The following SEMA6A variants were observed in gnomAD, a reference collection of about 807,000 sequenced individuals.
SEMA6A encodes the protein semaphorin 6A.
SEMA6A carries 25 observed loss-of-function variants against 96.8 expected under a neutral mutation model. The observed-to-expected ratio is 0.26, with a 90% CI of 0.19 to 0.36. The LOEUF is 0.36. Ranked by LOEUF, SEMA6A falls within the 10% of genes least tolerant of loss-of-function variation. The pLI is 1.00. For synonymous variants in SEMA6A, 612 were observed against 518.0 expected, an observed-to-expected ratio of 1.18 and a Z score of -2.46; for missense variants, 1,363 against 1,323.1, an observed-to-expected ratio of 1.03 and a Z score of -0.47.
chr5:116,473,014 T>C (rs541114599), intron 17 of SEMA6A, 59 bp downstream of exon 17: 32 of 1,549,538 alleles, frequency 2.1e-5, no homozygotes, highest in African/African-American at 1.5e-4. Context: ...ATTAATGAAA[T>C]AGACATTCTC....
intron 1 of SEMA6A, among the ~76,000 whole-genome samples, chr5:116,514,421 T>A (rs928551010): frequency 6.6e-6 from 1 of 152,248 alleles, no homozygotes; most frequent in African/African-American, 2.4e-5. Flanking sequence ...GTATGTCTTC[T>A]TTGAGAAGTG....
At chr5:116,573,786 G>C (rs543348426) in intron 1 of SEMA6A, among the ~76,000 whole-genome samples, 8 of 152,102 alleles carry the variant, frequency 5.3e-5, no homozygotes, top group African/African-American at 1.9e-4. Context: ...TCGACACACC[G>C]GGCCAGGGAG....
At chr5:116,465,730 A>G (rs1287545309) in intron 18 of SEMA6A, among the ~76,000 whole-genome samples, 1 of 152,120 alleles carries the variant, frequency 6.6e-6, no homozygotes, top group Non-Finnish European at 1.5e-5. Context: ...AATTCACGCT[A>G]CCCCTCTCAG....
At chr5:116,455,738 T>C (rs1302885865) in intron 18 of SEMA6A, among the ~76,000 whole-genome samples, 2 of 152,342 alleles carry the variant, frequency 1.3e-5, no homozygotes, top group African/African-American at 2.4e-5. Context: ...TCTAGAAATG[T>C]AGTTCTTGAG....
chr5:116,547,686 A>G (rs1580502579), intron 1 of SEMA6A, among the ~76,000 whole-genome samples: 1 of 150,440 alleles, frequency 6.6e-6, no homozygotes, highest in Non-Finnish European at 1.5e-5. Context: ...TTTGGATCTA[A>G]ACCAGGGGAT....
At chr5:116,567,341 A>G (rs1761059393) in intron 1 of SEMA6A, among the ~76,000 whole-genome samples, 2 of 151,980 alleles carry the variant, frequency 1.3e-5, no homozygotes, top group African/African-American at 4.8e-5. Context: ...CTTTTGCATC[A>G]TCTCTTTATA....
At chr5:116,524,038 A>T in intron 1 of SEMA6A, among the ~76,000 whole-genome samples, 1 of 152,284 alleles carries the variant, frequency 6.6e-6, no homozygotes, top group East Asian at 1.9e-4. Context: ...ATGCCAACCC[A>T]CTTACAGAAT....
At chr5:116,452,389 T>C (rs1445103034) in intron 18 of SEMA6A, among the ~76,000 whole-genome samples, 2 of 151,776 alleles carry the variant, frequency 1.3e-5, no homozygotes, top group African/African-American at 2.4e-5. Flanking sequence ...TGTCTTAAAT[T>C]GGCAGAACTG....
At chr5:116,526,317 C>T (rs1002837131) in intron 1 of SEMA6A, among the ~76,000 whole-genome samples, 2 of 152,274 alleles carry the variant, frequency 1.3e-5, no homozygotes, top group Non-Finnish European at 2.9e-5. Context: ...TGTGAAGTCT[C>T]CCCTGATTCC....
chr5:116,506,153 G>A (rs573886905), intron 1 of SEMA6A, among the ~76,000 whole-genome samples: 1 of 152,254 alleles, frequency 6.6e-6, no homozygotes, highest in East Asian at 1.9e-4. Context: ...GCTAACTTAC[G>A]CTTTTTGGAA....
intron 1 of SEMA6A, among the ~76,000 whole-genome samples, chr5:116,515,273 T>A (rs1437952110): frequency 6.6e-6 from 1 of 152,234 alleles, no homozygotes; most frequent in African/African-American, 2.4e-5. Flanking sequence ...AACTGAAAGT[T>A]TGGTTTAAAA....
chr5:116,501,027 C>T (rs1363209497), intron 3 of SEMA6A, among the ~76,000 whole-genome samples: 1 of 152,056 alleles, frequency 6.6e-6, no homozygotes, highest in Non-Finnish European at 1.5e-5. Context: ...AAAGCATAAT[C>T]TTCATTTCTT....
chr5:116,481,849 A>T (rs1756791855), intron 11 of SEMA6A, among the ~76,000 whole-genome samples: 2 of 152,096 alleles, frequency 1.3e-5, no homozygotes, highest in Non-Finnish European at 2.9e-5. Context: ...CATGAAAAGA[A>T]TTCTAAGCCA....
chr5:116,491,244 G>C (rs1471924415), intron 7 of SEMA6A, among the ~76,000 whole-genome samples: 6 of 151,984 alleles, frequency 3.9e-5, no homozygotes, highest in African/African-American at 1.5e-4. Flanking sequence ...GCCCTAATTG[G>C]GGCTGGCAGT....
At position 116,444,100 on chromosome 5, in the gene SEMA6A, C is replaced by T. The variant is rs1340666461; in HGVS notation, c.*2513G>A. ...AGAAGGGGGCAGGGGGATACAGACC[C>T]ATCACCTTCCTAATTTCTGCATTTC... On this transcript the variant is annotated 3_prime_UTR_variant, in exon 19 of 19. Coordinates refer to ENST00000343348, the MANE Select transcript of SEMA6A (RefSeq NM_020796.5). The T allele has an allele frequency of 6.6e-6, 1 of 152,074 alleles. No homozygotes were observed. The highest frequency in any genetic ancestry group is 1.9e-4 in the East Asian group (1 of 5,194). 9.4% of individuals were successfully genotyped at this position (152,074 alleles called of 1,614,324 possible). A position where few individuals can be genotyped will look rare whatever the true frequency, so the allele number is the denominator to read the frequency against.
chr5:116,458,868 G>C (rs1048123388), intron 18 of SEMA6A, among the ~76,000 whole-genome samples: 26 of 152,132 alleles, frequency 1.7e-4, no homozygotes, highest in African/African-American at 6.3e-4. Context: ...ATTACAGCCT[G>C]CCACTTGGGC....
At chr5:116,486,486 C>T (rs1176539214) in intron 10 of SEMA6A, among the ~76,000 whole-genome samples, 2 of 152,112 alleles carry the variant, frequency 1.3e-5, no homozygotes, top group African/African-American at 2.4e-5. Context: ...ATAAATAACA[C>T]ATAAAAAGTG....
chr5:116,513,877 G>A (rs979491025), intron 1 of SEMA6A, among the ~76,000 whole-genome samples: 4 of 152,042 alleles, frequency 2.6e-5, no homozygotes, highest in South Asian at 2.1e-4. Flanking sequence ...AAGAACATGC[G>A]GTATTTGGTT....
At chr5:116,566,738 T>C (rs992702238) in intron 1 of SEMA6A, among the ~76,000 whole-genome samples, 4 of 152,258 alleles carry the variant, frequency 2.6e-5, no homozygotes, top group Non-Finnish European at 5.9e-5. Context: ...TCAGGTTTTG[T>C]AGTAGTGTGT....
Sources: gnomAD v4.1 joint callset for allele counts (sites outside exome capture counted in the v4.1 genomes callset) on GRCh38, gnomAD v4.1.1 for gene constraint, MANE v1.5 for transcripts, NCBI Gene and HGNC (gene_info 2026-07-23, HGNC 2026-07-21) for gene names.